The following CREM variants were observed in gnomAD, a reference collection of about 807,000 sequenced individuals.
The protein encoded by CREM is cAMP responsive element modulator.
Under a neutral mutation model 37.3 loss-of-function variants are expected in CREM, and 13 were observed. The ratio of observed to expected loss-of-function variants is 0.35; its 90% CI spans 0.23 to 0.55. CREM has a LOEUF of 0.55. CREM is among the 20% of genes least tolerant of loss of function. The probability of loss-of-function intolerance (pLI) is 0.88; values close to 1 mark genes in which losing one functional copy is unlikely to be tolerated. For missense variants in CREM, 296 were observed against 362.3 expected (o/e 0.82, Z 1.49); for synonymous variants, 124 against 120.2 (o/e 1.03, Z -0.21).
At chr10:35,137,904 T>C (rs1021499291) in intron 2 of CREM, 25 bp downstream of exon 2, 1 of 1,564,612 alleles carries the variant, frequency 6.4e-7, no homozygotes, top group Non-Finnish European at 8.7e-7. Context: ...GTTTTTCTGT[T>C]CTTTTGAAAA....
chr10:35,192,972 G>A (rs1201285399), intron 6 of CREM, among the ~76,000 whole-genome samples: 2 of 152,062 alleles, frequency 1.3e-5, no homozygotes, highest in Admixed American at 6.5e-5. Flanking sequence ...CATTTCCTGG[G>A]ATAGGCCATG....
chr10:35,142,790 T>C (rs1383698103), intron 2 of CREM, among the ~76,000 whole-genome samples: 1 of 152,102 alleles, frequency 6.6e-6, no homozygotes, highest in African/African-American at 2.4e-5. Flanking sequence ...GTTTTCTATG[T>C]GGAGACGGGG....
intron 3 of CREM, among the ~76,000 whole-genome samples, chr10:35,155,891 A>G (rs1329415123): frequency 1.3e-5 from 2 of 151,090 alleles, no homozygotes; most frequent in East Asian, 1.9e-4. Flanking sequence ...AGCCTCCCAA[A>G]GTGCTGGGAT....
chr10:35,137,761 A>G, intron 1 of CREM, 21 bp from the exon 2 acceptor site: 3 of 1,175,548 alleles, frequency 2.6e-6, no homozygotes, highest in Non-Finnish European at 3.6e-6. Context: ...CTCCCAATTC[A>G]ACATTATAAT....
chr10:35,207,575 A>T (rs1331923998), intron 7 of CREM, among the ~76,000 whole-genome samples: 1 of 152,128 alleles, frequency 6.6e-6, no homozygotes, highest in Non-Finnish European at 1.5e-5. Context: ...AGAGATTGAG[A>T]CCATCCTGGC....
chr10:35,188,035 G>A (rs541668903), intron 5 of CREM, among the ~76,000 whole-genome samples, 165 bp from the exon 6 acceptor site: 36 of 152,296 alleles, frequency 2.4e-4, no homozygotes, highest in Middle Eastern at 3.4e-3. Context: ...CTAGAGTATC[G>A]TCCCATGACG....
chr10:35,170,698 A>T (rs554144552), intron 3 of CREM, among the ~76,000 whole-genome samples: 2 of 152,132 alleles, frequency 1.3e-5, no homozygotes, highest in Non-Finnish European at 2.9e-5. Context: ...AGAGGTGTTT[A>T]TAGTATTCTC....
chr10:35,152,898 A>G (rs1363484663), intron 3 of CREM, among the ~76,000 whole-genome samples: 5 of 152,220 alleles, frequency 3.3e-5, no homozygotes, highest in South Asian at 2.1e-4. Flanking sequence ...TCAAACATAC[A>G]TAAGAGTAGA....
At chr10:35,166,542 G>C (rs914737334) in intron 3 of CREM, among the ~76,000 whole-genome samples, 1 of 149,198 alleles carries the variant, frequency 6.7e-6, no homozygotes, top group Non-Finnish European at 1.5e-5. Context: ...TCCAGCCTGG[G>C]CGACAGAACA....
rs1163082125 is a variant in CREM at position 35,212,359 on chromosome 10, A to C, written c.*961A>C. 1 of 152,406 alleles carries C rather than the reference A, an allele frequency of 6.6e-6. No individual in the cohort carries two copies. Among genetic ancestry groups the C allele is most frequent in the East Asian group, 1.9e-4 (1 of 5,342 alleles). The allele number at this position is 152,406 out of a possible 1,614,324, so 9.4% of individuals were successfully genotyped here. On this transcript the variant is annotated 3_prime_UTR_variant, in exon 8 of 8. Transcript: ENST00000685392. ...AATGCCATAGTCAAAGAGAGTTTTT[A>C]ATAGAACCATGTTGGTTGCACTTTG...
chr10:35,187,170 TTAATATTAA>T (rs71485994), intron 5 of CREM, among the ~76,000 whole-genome samples: 1 of 42,196 alleles, frequency 2.4e-5, no homozygotes, highest in African/African-American at 8.4e-5. Flanking sequence ...ATATTATATA[TTAATATTAA>T]TATATAAATA....
chr10:35,154,375 A>G (rs1212083289), intron 3 of CREM: 1 of 291,068 alleles, frequency 3.4e-6, no homozygotes, highest in Admixed American at 5.1e-5. Flanking sequence ...ATATTTGTAT[A>G]TTAAAGAGAT....
chr10:35,208,882 A>C (rs977573965), intron 7 of CREM, among the ~76,000 whole-genome samples: 1 of 152,258 alleles, frequency 6.6e-6, no homozygotes, highest in African/African-American at 2.4e-5. Flanking sequence ...GACAAGAGAA[A>C]TGCAGATGAT....
At chr10:35,196,212 T>A in intron 6 of CREM, 3 of 1,053,600 alleles carry the variant, frequency 2.8e-6, no homozygotes, top group Non-Finnish European at 4.2e-6. Context: ...TTACTCCATC[T>A]ATAGGAACTT....
chr10:35,134,791 A>G (rs890791311), intron 1 of CREM, among the ~76,000 whole-genome samples: 2 of 152,134 alleles, frequency 1.3e-5, no homozygotes, highest in Admixed American at 1.3e-4. Flanking sequence ...TAATCCCAGC[A>G]CTTTGGGAGG....
chr10:35,185,552 A>C (rs2094523185), intron 5 of CREM, among the ~76,000 whole-genome samples: 1 of 152,208 alleles, frequency 6.6e-6, no homozygotes, highest in Admixed American at 6.5e-5. Context: ...GTCTAGCCAC[A>C]AGGGGCCAAG....
At chr10:35,163,752 C>T (rs1037625306) in intron 3 of CREM, among the ~76,000 whole-genome samples, 2 of 152,006 alleles carry the variant, frequency 1.3e-5, no homozygotes, top group East Asian at 1.9e-4. Context: ...ACCCGGGAGG[C>T]GGAGGTTGCA....
At chr10:35,167,287 G>A (rs17499811) in intron 3 of CREM, among the ~76,000 whole-genome samples, 44,553 of 152,060 alleles carry the variant, frequency 0.29, 7,073 homozygotes, top group South Asian at 0.35. Flanking sequence ...ACAGACTTTT[G>A]AGAATCCTGT....
chr10:35,197,019 G>A (rs2095212283), intron 6 of CREM, among the ~76,000 whole-genome samples: 1 of 151,762 alleles, frequency 6.6e-6, no homozygotes, highest in Admixed American at 6.6e-5. Context: ...ACAGGCGCCC[G>A]CCTAATTTTT....
Sources: allele counts gnomAD v4.1 joint callset (sites outside exome capture counted in the v4.1 genomes callset), GRCh38; gene constraint gnomAD v4.1.1; transcripts MANE v1.5; gene names NCBI Gene and HGNC (gene_info 2026-07-23, HGNC 2026-07-21).